PACSIN2: variants seen among roughly 807,000 people sequenced by gnomAD.
The protein encoded by PACSIN2 is protein kinase C and casein kinase substrate in neurons protein 2.
A neutral mutation model predicts 63.8 loss-of-function variants in PACSIN2; 25 were observed. The ratio of observed to expected loss-of-function variants is 0.39; its 90% CI spans 0.29 to 0.55. The LOEUF is 0.55. Among genes scored for constraint, PACSIN2 ranks in the 20% least tolerant of loss-of-function variants. The pLI is 0.62. For synonymous variants in PACSIN2, 255 were observed against 256.2 expected (o/e 1.00, Z 0.05); for missense variants, 518 against 646.9 (o/e 0.80, Z 2.16).
chr22:42,915,403 T>C (rs1040588013), intron 1 of PACSIN2, among the ~76,000 whole-genome samples: 1 of 152,196 alleles, frequency 6.6e-6, no homozygotes, highest in Non-Finnish European at 1.5e-5. Context: ...GAAAGGCCCA[T>C]ACTTATTCAC....
At chr22:42,888,518 T>G (rs1929656223) in intron 5 of PACSIN2, 125 bp downstream of exon 5, 1 of 895,862 alleles carries the variant, frequency 1.1e-6, no homozygotes, top group Non-Finnish European at 1.8e-6. Flanking sequence ...GACAGGGGTG[T>G]GTTTTATTGG....
At chr22:42,906,004 C>T (rs1931049604) in intron 2 of PACSIN2, among the ~76,000 whole-genome samples, 2 of 152,388 alleles carry the variant, frequency 1.3e-5, no homozygotes, top group South Asian at 2.1e-4. Context: ...TGGCACCAGG[C>T]CCTGGCAACA....
chr22:42,916,658 T>C (rs1289749341), intron 1 of PACSIN2, among the ~76,000 whole-genome samples: 1 of 152,118 alleles, frequency 6.6e-6, no homozygotes, highest in East Asian at 1.9e-4. Context: ...CAGTCCGCTC[T>C]ATGGCTCCTC....
chr22:42,883,198 C>T (rs1223359816), intron 6 of PACSIN2, among the ~76,000 whole-genome samples: 2 of 152,134 alleles, frequency 1.3e-5, no homozygotes, highest in African/African-American at 2.4e-5. Context: ...ACAGGCCAGC[C>T]TCACCCTGCT....
chr22:42,993,800 G>T (rs1244372916), intron 1 of PACSIN2: 1 of 152,186 alleles, frequency 6.6e-6, no homozygotes, highest in Non-Finnish European at 1.5e-5. Flanking sequence ...CGGCACCAGG[G>T]ACAGCCATGT....
chr22:42,969,775 C>T (rs192192098), intron 1 of PACSIN2, among the ~76,000 whole-genome samples: 9 of 151,750 alleles, frequency 5.9e-5, no homozygotes, highest in Non-Finnish European at 7.4e-5. Context: ...CCCATCTCTA[C>T]GAAAAATTTT....
At chr22:42,943,058 T>A (rs1933245609) in intron 1 of PACSIN2, among the ~76,000 whole-genome samples, 1 of 152,252 alleles carries the variant, frequency 6.6e-6, no homozygotes, top group South Asian at 2.1e-4. Flanking sequence ...TCAGGTCCTT[T>A]TAAATTTATT....
rs1726152349 is a variant in PACSIN2 at position 42,870,267 on chromosome 22, T to C, written c.*1090A>G. The C allele has an allele frequency of 6.6e-6, 1 of 152,208 alleles. No homozygotes were observed. The highest frequency in any genetic ancestry group is 6.5e-5 in the Admixed American group (1 of 15,282). The allele number at this position is 152,208 out of a possible 1,614,324, so 9.4% of individuals were successfully genotyped here. On this transcript the variant is annotated 3_prime_UTR_variant, in exon 11 of 11. Coordinates refer to ENST00000263246, the MANE Select transcript of PACSIN2 (RefSeq NM_001184970.3). ...GTCAGAAGCCGGACCAGCAGTCAGC[T>C]GGTGACGACGAGCCTCCCTCCAGCA... is the stretch of plus-strand genomic sequence containing the variant.
At chr22:43,002,767 CA>C (rs972310366) in intron 1 of PACSIN2, among the ~76,000 whole-genome samples, 1 of 151,992 alleles carries the variant, frequency 6.6e-6, no homozygotes, top group Non-Finnish European at 1.5e-5. Flanking sequence ...TCTACATTAG[CA>C]AAAAAGTGGA....
intron 2 of PACSIN2, among the ~76,000 whole-genome samples, chr22:42,904,544 C>A (rs1342494998): frequency 2.0e-5 from 3 of 152,212 alleles, no homozygotes; most frequent in Non-Finnish European, 1.5e-5. Context: ...TCCCAAGGCA[C>A]CCCCTGACTG....
chr22:42,970,704 G>A (rs1195983571), intron 1 of PACSIN2, among the ~76,000 whole-genome samples: 2 of 152,194 alleles, frequency 1.3e-5, no homozygotes, highest in Non-Finnish European at 2.9e-5. Flanking sequence ...GGAAGATGAA[G>A]CCTAAAGAAA....
rs4822212 is a variant in PACSIN2 at position 42,871,867 on chromosome 22, G to T, written c.1349-398C>A. Among the ~76,000 whole-genome samples, 97,444 of 151,830 alleles carry T rather than the reference G, an allele frequency of 0.64. 32,755 individuals carry two copies. The highest frequency in any genetic ancestry group is 0.83 in the African/African-American group (34,439 of 41,414). ...CCCTCCCCAGGGCCCCGGCCGCCTT[G>T]CTCCCAGCAGCTGTCTCTGGGGTCT... On this transcript the variant is annotated intron_variant, in intron 10 of 10. Transcript: ENST00000263246. This position sits in a 1 kb window ranked among gnomAD's most constrained non-coding sequence, Gnocchi z 5.4.
intron 1 of PACSIN2, among the ~76,000 whole-genome samples, chr22:42,970,918 C>T (rs1921209087): frequency 6.6e-6 from 1 of 152,158 alleles, no homozygotes; most frequent in African/African-American, 2.4e-5. Flanking sequence ...GGTCAGACAG[C>T]GACCCAGGCT....
intron 1 of PACSIN2, among the ~76,000 whole-genome samples, chr22:43,014,102 T>TGAAA (rs1273813462): frequency 2.0e-5 from 3 of 151,994 alleles, no homozygotes; most frequent in Non-Finnish European, 2.9e-5. Context: ...AATGAATCAA[T>TGAAA]GAAATTCAAC....
intron 1 of PACSIN2, among the ~76,000 whole-genome samples, chr22:43,007,304 C>G (rs189643615): frequency 2.0e-5 from 3 of 151,714 alleles, no homozygotes; most frequent in Non-Finnish European, 4.4e-5. Flanking sequence ...GCAATCTCTG[C>G]CCCCAGGTTC....
chr22:42,950,202 T>C (rs989414370), intron 1 of PACSIN2, among the ~76,000 whole-genome samples: 3 of 152,042 alleles, frequency 2.0e-5, no homozygotes, highest in Non-Finnish European at 4.4e-5. Context: ...TATTAGGTAT[T>C]ATAAGTAATC....
At chr22:42,942,414 A>G (rs1176916141) in intron 1 of PACSIN2, among the ~76,000 whole-genome samples, 4 of 152,156 alleles carry the variant, frequency 2.6e-5, no homozygotes, top group Admixed American at 6.5e-5. Flanking sequence ...TTTTGGTGTC[A>G]TATCTAGGAA....
intron 1 of PACSIN2, among the ~76,000 whole-genome samples, chr22:42,938,629 CAT>C (rs1933012354): frequency 1.3e-5 from 2 of 152,198 alleles, no homozygotes; most frequent in African/African-American, 4.8e-5. Flanking sequence ...TCCGCAGGAC[CAT>C]TTAGGTTGCA....
chr22:42,941,795 G>A (rs1011347895), intron 1 of PACSIN2, among the ~76,000 whole-genome samples: 1 of 152,166 alleles, frequency 6.6e-6, no homozygotes, highest in Non-Finnish European at 1.5e-5. Context: ...TTGAGACAGA[G>A]TCTCACTCTG....
Sources: gnomAD v4.1 joint callset for allele counts (sites outside exome capture counted in the v4.1 genomes callset) on GRCh38, gnomAD v4.1.1 for gene constraint, Gnocchi (gnomAD v3.1) non-coding constraint, MANE v1.5 for transcripts, NCBI Gene and HGNC (gene_info 2026-07-23, HGNC 2026-07-21) for gene names.